UNC13A: variants seen among roughly 807,000 people sequenced by gnomAD.
The protein encoded by UNC13A is unc-13 homolog A, also known as protein unc-13 homolog A.
In UNC13A, 61 loss-of-function variants were observed where a neutral mutation model predicts 219.7. The ratio of observed to expected loss-of-function variants is 0.28; its 90% confidence interval spans 0.23 to 0.34. The LOEUF is 0.34. Ranked by LOEUF, UNC13A falls within the 10% of genes least tolerant of loss-of-function variation. The pLI is 1.00. For missense variants in UNC13A, 1,476 were observed against 2,270.3 expected (o/e 0.65, Z 7.11); for synonymous variants, 920 against 884.6 (o/e 1.04, Z -0.71).
chr19:17,679,432 AG>A (rs931349046), intron 1 of UNC13A, among the ~76,000 whole-genome samples: 6 of 151,550 alleles, frequency 4.0e-5, no homozygotes, highest in African/African-American at 1.2e-4. Flanking sequence ...TAATAATAAA[AG>A]AGAGAGGGGG....
chr19:17,660,228 C>A (rs954477995), intron 8 of UNC13A, among the ~76,000 whole-genome samples: 6 of 152,054 alleles, frequency 3.9e-5, no homozygotes, highest in African/African-American at 1.4e-4. Flanking sequence ...TTGTCCTTGA[C>A]CGGGCTGAGA....
intron 12 of UNC13A, among the ~76,000 whole-genome samples, chr19:17,651,350 A>G (rs1395085393): frequency 6.6e-6 from 1 of 152,110 alleles, no homozygotes; most frequent in Non-Finnish European, 1.5e-5. Flanking sequence ...CAGCCTCCCA[A>G]ATAGCTGGGA....
chr19:17,608,172 G>A (rs922517282), intron 43 of UNC13A, among the ~76,000 whole-genome samples: 15 of 146,690 alleles, frequency 1.0e-4, no homozygotes, highest in Admixed American at 7.6e-4. Context: ...TCAGCCTCCC[G>A]CGTAGCTGGG....
intron 34 of UNC13A, among the ~76,000 whole-genome samples, chr19:17,626,031 A>G (rs2076779804): frequency 6.6e-6 from 1 of 150,748 alleles, no homozygotes; most frequent in Non-Finnish European, 1.5e-5. Context: ...TTATCCACCT[A>G]TCTATCCATC....
chr19:17,686,371 G>A (rs1378603396), intron 1 of UNC13A, among the ~76,000 whole-genome samples: 1 of 151,330 alleles, frequency 6.6e-6, no homozygotes, highest in Non-Finnish European at 1.5e-5. Context: ...GTGAGGCGGG[G>A]TGGGGCGGGA....
chr19:17,650,343 G>A (rs139876062), intron 12 of UNC13A, among the ~76,000 whole-genome samples: 1,779 of 151,512 alleles, frequency 0.012, 13 homozygotes, highest in Non-Finnish European at 0.019. Context: ...GTGAAACCCC[G>A]TCTCTACTAA....
chr19:17,652,829 T>A (rs566487688), intron 11 of UNC13A, among the ~76,000 whole-genome samples, 152 bp from the exon 12 acceptor site: 2 of 152,234 alleles, frequency 1.3e-5, no homozygotes, highest in African/African-American at 2.4e-5. Flanking sequence ...TCCGTGGCTA[T>A]CTCTGGGCCT....
At chr19:17,685,419 C>A (rs914070547) in intron 1 of UNC13A, among the ~76,000 whole-genome samples, 1 of 152,162 alleles carries the variant, frequency 6.6e-6, no homozygotes, top group Non-Finnish European at 1.5e-5. Context: ...TCTTGAACTC[C>A]TGACCTCAAG....
At chr19:17,670,663 C>T (rs559714331) in intron 4 of UNC13A, among the ~76,000 whole-genome samples, 27 of 152,094 alleles carry the variant, frequency 1.8e-4, no homozygotes, top group African/African-American at 6.3e-4. Flanking sequence ...CAGCACTTTG[C>T]GAGGCCAAGG....
chr19:17,633,219 C>T (rs1334601453), intron 26 of UNC13A, 26 bp from the exon 27 acceptor site: 9 of 1,611,468 alleles, frequency 5.6e-6, no homozygotes, highest in Admixed American at 3.3e-5. Context: ...AAGTATAAAA[C>T]TTTGGCAGGC....
chr19:17,621,978 G>A (rs144473957), intron 36 of UNC13A, 108 bp from the exon 37 acceptor site: 2 of 1,135,762 alleles, frequency 1.8e-6, no homozygotes, highest in Non-Finnish European at 2.7e-6. Flanking sequence ...CACTGCACAG[G>A]GTACTGGTGA....
chr19:17,624,882 C>T lies in UNC13A; in HGVS notation c.4144G>A (p.Val1382Ile). The change falls in exon 35 of 44, where the codon GTT becomes ATT. Residue 1382 changes from valine (V) to isoleucine (I), a missense_variant. Coordinates refer to ENST00000519716, the MANE Select transcript of UNC13A (RefSeq NM_001080421.3). ...KRVLKELWKL[V>I]MNTMEKTIVL... ...ATGGTTTTCTCCATGGTGTTCATAACCAGCTTCCACAGCTCCTTCAGCACT... is the reference window on the plus strand; with the variant it reads ...ATGGTTTTCTCCATGGTGTTCATAATCAGCTTCCACAGCTCCTTCAGCACT... 1.9e-6 allele frequency: 3 copies of T among 1,613,916 alleles called. No homozygotes were observed. The highest frequency in any genetic ancestry group is 2.2e-5 in the East Asian group (1 of 44,884).
In UNC13A at chr19:17,658,251, G is replaced by A. The variant is rs1469873236; in HGVS notation, c.578C>T (p.Ala193Val). 6 of 1,613,108 alleles carry A rather than the reference G, an allele frequency of 3.7e-6. No individual in the cohort carries two copies. The Admixed American group carries it at 8.4e-5, about 22-fold the overall frequency. Residue 193 changes from alanine to valine, a missense_variant, in exon 9 of 44, where the codon GCA becomes GTA. Physicochemically the swap from Ala to Val is moderately conservative, Grantham distance 64. Transcript: ENST00000519716. The part of the protein sequence containing the change: ...GEQHNDDPDS[A>V]VDDRDSDYRS... ...GTAGTCACTGTCACGATCATCCACT[G>A]CACTGTCGGGGTCATCGTCTGGAAG...
intron 42 of UNC13A, 132 bp from the exon 43 acceptor site, chr19:17,610,231 CA>C: frequency 8.1e-7 from 1 of 1,228,854 alleles, no homozygotes; most frequent in African/African-American, 1.5e-5. Context: ...TTCGGGAGGC[CA>C]AGGCGGGTGG....
At chr19:17,611,713 T>C (rs1380715068) in intron 42 of UNC13A, 50 bp downstream of exon 42, 1 of 1,528,776 alleles carries the variant, frequency 6.5e-7, no homozygotes, top group Admixed American at 1.7e-5. Flanking sequence ...AGTTTGAGTT[T>C]GGTTTCTGTT....
intron 2 of UNC13A, among the ~76,000 whole-genome samples, chr19:17,675,643 AAAAG>A (rs1401484747): frequency 2.0e-5 from 3 of 149,800 alleles, no homozygotes; most frequent in African/African-American, 5.0e-5. Context: ...AAAAAAAAAA[AAAAG>A]AAGAAGAAGA....
At chr19:17,642,815 G>A (rs1267848974) in intron 20 of UNC13A, 30 bp downstream of exon 20, 1 of 1,555,196 alleles carries the variant, frequency 6.4e-7, no homozygotes, top group Non-Finnish European at 8.8e-7. Flanking sequence ...AGTGGAAGTG[G>A]CATGGGAGGG....
At position 17,688,120 on chromosome 19, in the gene UNC13A, G is replaced by A. The variant is rs1248717139; in HGVS notation, c.22+58C>T. On this transcript the variant is annotated intron_variant, in intron 1 of 43. Coordinates refer to ENST00000519716, the MANE Select transcript of UNC13A (RefSeq NM_001080421.3). The stretch of plus-strand genomic sequence containing the variant: ...ACCCCCTGGGAGCCGCATCCACGCG[G>A]ACCCCGACCCCAGCCCGCGTCCACA... 4.6e-6 allele frequency: 7 copies of A among 1,510,854 alleles called. No homozygotes were observed. The Admixed American group carries it at 6.5e-5, about 14-fold the overall frequency. 93.6% of individuals were successfully genotyped at this position (1,510,854 alleles called of 1,614,324 possible). A position where few individuals can be genotyped will look rare whatever the true frequency, so the allele number is the denominator to read the frequency against.
At position 17,602,478 on chromosome 19, in the gene UNC13A, A is replaced by G. The variant is rs887020441; in HGVS notation, c.*3576T>C. On this transcript the variant is annotated 3_prime_UTR_variant, in exon 44 of 44. Transcript: ENST00000519716. ...CCAACCTTCTTGTGCTGTTTCCCCG[A>G]TTCATGGAAATGTGGGGCCAGCTCC... 1 of 151,972 alleles carries G rather than the reference A, an allele frequency of 6.6e-6. No individual in the cohort carries two copies. Among genetic ancestry groups the G allele is most frequent in the African/African-American group, 2.4e-5 (1 of 41,314 alleles). The allele number at this position is 151,972 out of a possible 1,614,324, so 9.4% of individuals were successfully genotyped here.
Sources: gnomAD v4.1 joint callset for allele counts (sites outside exome capture counted in the v4.1 genomes callset) on GRCh38, gnomAD v4.1.1 for gene constraint, MANE v1.5 for transcripts, NCBI Gene and HGNC (gene_info 2026-07-23, HGNC 2026-07-21) for gene names.